The following DLEC1 variants were observed in gnomAD, a reference collection of about 807,000 sequenced individuals.
DLEC1 encodes the protein deleted in lung and esophageal cancer protein 1.
In DLEC1, 146 loss-of-function variants were observed where a neutral mutation model predicts 198.1. The ratio of observed to expected loss-of-function variants is 0.74; its 90% CI spans 0.64 to 0.85. The LOEUF is 0.85. Among genes scored for constraint, DLEC1 ranks in the 40% least tolerant of loss-of-function variants. DLEC1 has a pLI of 0.00. For missense variants in DLEC1, 2,233 were observed against 2,220.0 expected (o/e 1.01, Z -0.12); for synonymous variants, 897 against 866.8 (o/e 1.03, Z -0.61).
Position 38,112,490 on chromosome 3 carries a change from A to C in DLEC1, c.3666+129A>C. ...CTCACCAGGTTGAAACGCGATGCCC[A>C]CCGAGCTTGGGATGGGCATTCGTGT... On this transcript the variant is annotated intron_variant, in intron 25 of 36. Coordinates refer to ENST00000308059, the MANE Select transcript of DLEC1 (RefSeq NM_007335.4). The surrounding 1 kb of genome is among the most constrained non-coding windows in gnomAD (Gnocchi z 4.8). 9 of 1,387,830 alleles carry C rather than the reference A, an allele frequency of 6.5e-6. No homozygotes were observed. In the South Asian group the frequency reaches 1.2e-4, roughly 19 times the overall value. The allele number at this position is 1,387,830 out of a possible 1,614,324, so 86.0% of individuals were successfully genotyped here. A position where few individuals can be genotyped will look rare whatever the true frequency, so the allele number is the denominator to read the frequency against.
chr3:38,094,369 C>CCTCCTA (rs1698899839), intron 12 of DLEC1, among the ~76,000 whole-genome samples: 1 of 152,194 alleles, frequency 6.6e-6, no homozygotes, highest in South Asian at 2.1e-4. Context: ...AAGTCCTGCC[C>CCTCCTA]CTCCTATGCT....
chr3:38,046,810 AG>A (rs1452011205), intron 2 of DLEC1, among the ~76,000 whole-genome samples: 2 of 152,038 alleles, frequency 1.3e-5, no homozygotes, highest in Non-Finnish European at 2.9e-5. Context: ...GATCCTGTCC[AG>A]GAAGTCATGT....
chr3:38,112,159 C>T lies in DLEC1; in HGVS notation c.3515-51C>T. On this transcript the variant is annotated intron_variant, in intron 24 of 36. Coordinates refer to ENST00000308059, the MANE Select transcript of DLEC1 (RefSeq NM_007335.4). The surrounding 1 kb of genome is among the most constrained non-coding windows in gnomAD (Gnocchi z 4.8). Reference sequence around the variant, plus strand: ...TGCTCACACACGAGGGTTTGGACCTCACTCCCAACCCCAGGCCCGTGAATC... The same window carrying T: ...TGCTCACACACGAGGGTTTGGACCTTACTCCCAACCCCAGGCCCGTGAATC... 1 of 1,610,470 alleles carries T rather than the reference C, an allele frequency of 6.2e-7. No individual in the cohort carries two copies. Among genetic ancestry groups the T allele is most frequent in the Non-Finnish European group, 8.5e-7 (1 of 1,177,794 alleles).
At position 38,123,787 on chromosome 3, in the gene DLEC1, G is replaced by C; in HGVS notation, c.*1375G>C. 1 of 152,128 alleles carries C rather than the reference G, an allele frequency of 6.6e-6. No individual in the cohort carries two copies. Among genetic ancestry groups the C allele is most frequent in the Middle Eastern group, 3.2e-3 (1 of 316 alleles). 9.4% of individuals were successfully genotyped at this position (152,128 alleles called of 1,614,324 possible). ...GGAGGCCGAGGCGGGAGGATCACGA[G>C]GTCAGGAGTTCAAGACCAGCCTCGC... On this transcript the variant is annotated 3_prime_UTR_variant, in exon 37 of 37. Coordinates refer to ENST00000308059, the MANE Select transcript of DLEC1 (RefSeq NM_007335.4).
At chr3:38,076,897 G>C (rs923958431) in intron 6 of DLEC1, among the ~76,000 whole-genome samples, 5 of 152,210 alleles carry the variant, frequency 3.3e-5, no homozygotes, top group Admixed American at 3.3e-4. Flanking sequence ...TAGAGTGGGA[G>C]AGATTAAGCT....
intron 21 of DLEC1, 80 bp from the exon 22 acceptor site, chr3:38,109,352 C>T: frequency 6.4e-7 from 1 of 1,572,290 alleles, no homozygotes; most frequent in South Asian, 1.2e-5. Context: ...CACAGCAATC[C>T]CCTGTGCTGC....
chr3:38,100,798 G>A (rs147091830), intron 19 of DLEC1, among the ~76,000 whole-genome samples: 1 of 152,254 alleles, frequency 6.6e-6, no homozygotes, highest in East Asian at 1.9e-4. Context: ...GCTCAGACTG[G>A]ACTGTTCCTA....
chr3:38,085,198 GTC>G (rs1233821509), intron 7 of DLEC1, 74 bp from the exon 8 acceptor site: 2 of 1,526,990 alleles, frequency 1.3e-6, no homozygotes, highest in Non-Finnish European at 1.8e-6. Context: ...CAGGGCTGGG[GTC>G]TGTACCAGCT....
chr3:38,080,101 TAA>T (rs780667980), intron 6 of DLEC1, among the ~76,000 whole-genome samples: 1 of 152,250 alleles, frequency 6.6e-6, no homozygotes, highest in Non-Finnish European at 1.5e-5. Context: ...TGAAAAAGCC[TAA>T]ATGCTGTCTG....
Position 38,095,274 on chromosome 3 carries a change from A to T in DLEC1, c.2112+203A>T, listed in dbSNP as rs1698952681. On this transcript the variant is annotated intron_variant, in intron 13 of 36. Transcript: ENST00000308059. Reference sequence around the variant, plus strand: ...TCATTTTGTCTGGTCCTGATCCCAGACTCACCCCATCTGCAGCAAGACCCT... The same window carrying T: ...TCATTTTGTCTGGTCCTGATCCCAGTCTCACCCCATCTGCAGCAAGACCCT... The T allele has an allele frequency of 1.0e-5, 6 of 592,660 alleles. No homozygotes were observed. In the South Asian group the frequency reaches 1.4e-4, roughly 13 times the overall value. 36.7% of individuals were successfully genotyped at this position (592,660 alleles called of 1,614,324 possible). A position where few individuals can be genotyped will look rare whatever the true frequency, so the allele number is the denominator to read the frequency against.
intron 32 of DLEC1, 95 bp from the exon 33 acceptor site, chr3:38,117,711 C>T (rs944221959): frequency 3.8e-5 from 60 of 1,599,230 alleles, no homozygotes; most frequent in Non-Finnish European, 5.0e-5. Context: ...GAGCCCAAAT[C>T]CCCTCCCCCA....
chr3:38,093,757 A>G lies in DLEC1; in HGVS notation c.1909A>G (p.Arg637Gly), dbSNP rs1430312185. ...CACGGCTAGGAAGCAGCTGATTATT[A>G]GAAATGCTACGTGGGTAACCCCTGT... The part of the protein sequence containing the change: ...RSTARKQLII[R>G]NATHVELAFY... The change falls in exon 12 of 37, where the codon AGA (arginine) becomes GGA (glycine). Residue 637 changes from arginine to glycine, a missense_variant. Coordinates refer to ENST00000308059, the MANE Select transcript of DLEC1 (RefSeq NM_007335.4). The G allele has an allele frequency of 6.2e-7, 1 of 1,614,146 alleles. No homozygotes were observed. The highest frequency in any genetic ancestry group is 1.3e-5 in the African/African-American group (1 of 75,060).
chr3:38,048,169 C>T, intron 2 of DLEC1, among the ~76,000 whole-genome samples: 1 of 152,208 alleles, frequency 6.6e-6, no homozygotes, highest in South Asian at 2.1e-4. Context: ...AACTTCCTTG[C>T]TTTCTGAGCT....
chr3:38,039,622 G>T lies in DLEC1; in HGVS notation c.397G>T (p.Asp133Tyr). 1 of 1,604,732 alleles carries T rather than the reference G, an allele frequency of 6.2e-7. No individual in the cohort carries two copies. The highest frequency in any genetic ancestry group is 8.5e-7 in the Non-Finnish European group (1 of 1,173,684). The part of the protein sequence containing the change: ...SENERHEEFV[D>Y]QLQQIRELYK... Reference sequence around the variant, plus strand: ...GAATGAGCGCCACGAGGAGTTCGTGGACCAGCTGCAGCAGGTAACGTGGCG... The same window carrying T: ...GAATGAGCGCCACGAGGAGTTCGTGTACCAGCTGCAGCAGGTAACGTGGCG... The change falls in exon 1 of 37, where the codon GAC becomes TAC. Residue 133 changes from aspartate (D) to tyrosine (Y), a missense_variant. Physicochemically the swap from Asp to Tyr is radical, Grantham distance 160. Transcript: ENST00000308059.
chr3:38,106,516 G>A (rs900671120), intron 19 of DLEC1, among the ~76,000 whole-genome samples: 3 of 152,124 alleles, frequency 2.0e-5, no homozygotes, highest in African/African-American at 4.8e-5. Flanking sequence ...AGCACTTTGG[G>A]AGGCCAAGGT....
intron 2 of DLEC1, among the ~76,000 whole-genome samples, chr3:38,056,262 CA>C (rs11312921): frequency 0.43 from 64,325 of 150,596 alleles, 14,274 homozygotes; most frequent in East Asian, 0.59. Context: ...GACCCTGTCT[CA>C]AAAAAAAACA....
rs1305833059 is a variant in DLEC1 at position 38,056,109 on chromosome 3, ACACACAC to A, written c.563-3632_563-3626del. The stretch of plus-strand genomic sequence containing the variant: ...CACACACACACACACACACACACAC[ACACACAC>A]AAATAGCTGAGTGTGGTGGCATGCG... On this transcript the variant is annotated intron_variant, in intron 2 of 36. Coordinates refer to ENST00000308059, the MANE Select transcript of DLEC1 (RefSeq NM_007335.4). 2.6e-3 allele frequency among the ~76,000 whole-genome samples: 351 copies of A among 132,458 alleles called. 1 individual carries two copies. Among genetic ancestry groups the A allele is most frequent in the African/African-American group, 8.1e-3 (263 of 32,330 alleles). The allele number at this position is 132,458 out of a possible 152,430, so 86.9% of individuals were successfully genotyped here. A position where few individuals can be genotyped will look rare whatever the true frequency, so the allele number is the denominator to read the frequency against.
intron 33 of DLEC1, among the ~76,000 whole-genome samples, chr3:38,118,858 T>C (rs966888944): frequency 5.9e-5 from 9 of 152,112 alleles, no homozygotes; most frequent in Non-Finnish European, 1.0e-4. Context: ...ATTATTTCTA[T>C]CCAATGTATA....
intron 2 of DLEC1, among the ~76,000 whole-genome samples, chr3:38,057,949 T>TG (rs1696465973): frequency 1.3e-5 from 2 of 151,992 alleles, no homozygotes; most frequent in Admixed American, 1.3e-4. Context: ...CCTGAGTAGC[T>TG]GGGACTATAG....
Sources: allele counts gnomAD v4.1 joint callset (sites outside exome capture counted in the v4.1 genomes callset), GRCh38; gene constraint gnomAD v4.1.1; non-coding constraint Gnocchi (gnomAD v3.1); transcripts MANE v1.5; gene names NCBI Gene and HGNC (gene_info 2026-07-23, HGNC 2026-07-21).